The following MTHFD1L variants were observed in gnomAD, a reference collection of about 807,000 sequenced individuals.
The protein encoded by MTHFD1L is monofunctional C1-tetrahydrofolate synthase, mitochondrial.
Under a neutral mutation model 119.5 loss-of-function variants are expected in MTHFD1L, and 81 were observed. The ratio of observed to expected loss-of-function variants is 0.68; its 90% CI spans 0.57 to 0.82. MTHFD1L has a LOEUF of 0.82. Among genes scored for constraint, MTHFD1L ranks in the 40% least tolerant of loss-of-function variants. The pLI, the probability that MTHFD1L is intolerant of heterozygous loss-of-function variation, is 0.00. For synonymous variants in MTHFD1L, 430 were observed against 475.2 expected (o/e 0.90, Z 1.24); for missense variants, 1,125 against 1,253.4 (o/e 0.90, Z 1.55).
chr6:150,924,659 G>A (rs1018497158), intron 10 of MTHFD1L, among the ~76,000 whole-genome samples: 1 of 151,974 alleles, frequency 6.6e-6, no homozygotes, highest in Non-Finnish European at 1.5e-5. Context: ...TGTATTTTTA[G>A]TAGAGACGGG....
intron 1 of MTHFD1L, among the ~76,000 whole-genome samples, chr6:150,875,015 T>C (rs946019957): frequency 1.3e-5 from 2 of 151,716 alleles, no homozygotes; most frequent in South Asian, 4.2e-4. Context: ...CCCAAAGTGC[T>C]GGGATTACAG....
intron 27 of MTHFD1L, among the ~76,000 whole-genome samples, chr6:151,097,278 A>T (rs779992097): frequency 1.4e-4 from 22 of 152,232 alleles, no homozygotes; most frequent in Admixed American, 4.6e-4. Context: ...GTTATTTACA[A>T]AAGAATTGCT....
chr6:150,965,201 G>A (rs375954906), intron 19 of MTHFD1L, among the ~76,000 whole-genome samples, 164 bp downstream of exon 19: 2 of 152,072 alleles, frequency 1.3e-5, no homozygotes, highest in East Asian at 3.9e-4. Context: ...ACCTGTATTA[G>A]TCCATTTTGA....
intron 20 of MTHFD1L, among the ~76,000 whole-genome samples, chr6:150,980,659 A>G (rs186687211): frequency 6.3e-4 from 95 of 150,268 alleles, no homozygotes; most frequent in African/African-American, 2.3e-3. Flanking sequence ...AGGAGGATCA[A>G]TTATGCCCAG....
intron 10 of MTHFD1L, among the ~76,000 whole-genome samples, chr6:150,924,223 G>A (rs750108774): frequency 3.3e-4 from 50 of 152,074 alleles, no homozygotes; most frequent in Non-Finnish European, 7.4e-5. Context: ...ACAGGTGTTT[G>A]TTTTGTTTTG....
chr6:151,049,814 A>G (rs1001487123), intron 26 of MTHFD1L, among the ~76,000 whole-genome samples: 1 of 152,192 alleles, frequency 6.6e-6, no homozygotes, highest in African/African-American at 2.4e-5. Flanking sequence ...CCTGAATCCC[A>G]TAAACCTTCT....
Position 150,914,979 on chromosome 6 carries a change from T to G in MTHFD1L, c.893-3598T>G, listed in dbSNP as rs570380559. On this transcript the variant is annotated intron_variant, in intron 8 of 27. Coordinates refer to ENST00000367321, the MANE Select transcript of MTHFD1L (RefSeq NM_015440.5). Reference sequence around the variant, plus strand: ...TTAACTCTTACGGACTTACTTGTTTTTAACATATCTTTTATTCACTTTGAA... The same window carrying G: ...TTAACTCTTACGGACTTACTTGTTTGTAACATATCTTTTATTCACTTTGAA... Among the ~76,000 whole-genome samples the G allele has an allele frequency of 5.3e-5, 8 of 152,350 alleles. No homozygotes were observed. The East Asian group carries it at 1.3e-3, about 26-fold the overall frequency.
chr6:151,011,842 A>C (rs1342371075), intron 21 of MTHFD1L, among the ~76,000 whole-genome samples: 1 of 151,688 alleles, frequency 6.6e-6, no homozygotes, highest in African/African-American at 2.4e-5. Flanking sequence ...CAGGTGGATC[A>C]CCTGAGGAGT....
chr6:150,872,165 T>C (rs998358234), intron 1 of MTHFD1L, among the ~76,000 whole-genome samples: 11 of 152,162 alleles, frequency 7.2e-5, no homozygotes, highest in African/African-American at 2.4e-4. Flanking sequence ...TGTGAGCCAC[T>C]GCGCCCGGCC....
chr6:151,046,477 A>G (rs1204721182), intron 26 of MTHFD1L, among the ~76,000 whole-genome samples: 133 of 13,378 alleles, frequency 9.9e-3, no homozygotes, highest in Admixed American at 0.051. Context: ...GTGTGTATAT[A>G]TATATATATA....
chr6:150,907,703 C>T (rs188199130), intron 8 of MTHFD1L, among the ~76,000 whole-genome samples: 240 of 149,978 alleles, frequency 1.6e-3, no homozygotes, highest in African/African-American at 5.4e-3. Context: ...ATGCATGTCC[C>T]TTTCCCACCA....
intron 6 of MTHFD1L, 78 bp from the exon 7 acceptor site, chr6:150,887,766 CT>C: frequency 1.4e-6 from 2 of 1,447,530 alleles, no homozygotes; most frequent in South Asian, 1.6e-5. Flanking sequence ...CTAAAAGGGT[CT>C]TTTTTTCTTA....
chr6:150,912,123 A>G (rs539553382), intron 8 of MTHFD1L, among the ~76,000 whole-genome samples: 3 of 152,300 alleles, frequency 2.0e-5, no homozygotes, highest in Non-Finnish European at 4.4e-5. Context: ...GGCCACCCCC[A>G]TGATCCTGTC....
In MTHFD1L at chr6:150,925,267, G is replaced by A. The variant is rs188184894; in HGVS notation, c.1083-855G>A. 3.3e-5 allele frequency among the ~76,000 whole-genome samples: 5 copies of A among 152,266 alleles called. No individual in the cohort carries two copies. The East Asian group carries it at 5.8e-4, about 18-fold the overall frequency. ...GTAGTCCCCCGCCGCGTGGTCTCCC[G>A]GGGTTAGTCTTGCTGCTGGGGGAAC... is the stretch of plus-strand genomic sequence containing the variant. On this transcript the variant is annotated intron_variant, in intron 10 of 27. Coordinates refer to ENST00000367321, the MANE Select transcript of MTHFD1L (RefSeq NM_015440.5).
At chr6:150,875,821 A>G (rs1412499424) in intron 1 of MTHFD1L, among the ~76,000 whole-genome samples, 1 of 152,190 alleles carries the variant, frequency 6.6e-6, no homozygotes, top group African/African-American at 2.4e-5. Context: ...AATACAAGAG[A>G]AAAATTCACC....
Position 151,026,530 on chromosome 6 carries a change from C to T in MTHFD1L, c.2587-7963C>T, listed in dbSNP as rs1411804764. On this transcript the variant is annotated intron_variant, in intron 24 of 27. Transcript: ENST00000367321. ...GGACAGCTTTGTTCTAGAGTATTTC[C>T]GTTTCTGAAATACATGTTTAAGAAG... Among the ~76,000 whole-genome samples, 6 of 152,228 alleles carry T rather than the reference C, an allele frequency of 3.9e-5. No individual in the cohort carries two copies. The South Asian group carries it at 1.2e-3, about 32-fold the overall frequency.
intron 1 of MTHFD1L, among the ~76,000 whole-genome samples, chr6:150,872,592 A>G (rs1276037201): frequency 6.6e-6 from 1 of 152,150 alleles, no homozygotes; most frequent in Non-Finnish European, 1.5e-5. Context: ...TCAATCACAC[A>G]TCACCAGAAC....
intron 18 of MTHFD1L, among the ~76,000 whole-genome samples, chr6:150,960,916 G>A (rs538505123): frequency 1.3e-5 from 2 of 152,106 alleles, no homozygotes; most frequent in Non-Finnish European, 2.9e-5. Context: ...TATTATAAAA[G>A]CAAATCTCTG....
intron 20 of MTHFD1L, among the ~76,000 whole-genome samples, chr6:151,003,227 AAC>A (rs531093462): frequency 2.8e-4 from 42 of 152,264 alleles, no homozygotes; most frequent in African/African-American, 9.6e-4. Context: ...AACAACAAAA[AAC>A]ACATTAAAAA....
Sources: allele counts gnomAD v4.1 joint callset (sites outside exome capture counted in the v4.1 genomes callset), GRCh38; gene constraint gnomAD v4.1.1; transcripts MANE v1.5; gene names NCBI Gene and HGNC (gene_info 2026-07-23, HGNC 2026-07-21).